HECTD4: variants seen among roughly 807,000 people sequenced by gnomAD.
HECTD4 encodes the protein HECT domain E3 ubiquitin protein ligase 4, also known as probable E3 ubiquitin-protein ligase HECTD4.
In HECTD4, 114 loss-of-function variants were observed where a neutral mutation model predicts 471.5. The ratio of observed to expected loss-of-function variants is 0.24; its 90% CI spans 0.21 to 0.28. The LOEUF (loss-of-function observed/expected upper bound fraction) is 0.28, where lower values mean the gene tolerates loss of function less well. Among genes scored for constraint, HECTD4 ranks in the 10% least tolerant of loss-of-function variants. The pLI, the probability that HECTD4 is intolerant of heterozygous loss-of-function variation, is 1.00. For synonymous variants in HECTD4, 2,012 were observed against 2,256.0 expected, an observed-to-expected ratio of 0.89 and a Z score of 3.07; for missense variants, 3,866 against 5,651.5, an observed-to-expected ratio of 0.68 and a Z score of 10.13.
intron 53 of HECTD4, 24 bp downstream of exon 53, chr12:112,204,462 G>A: frequency 6.2e-7 from 1 of 1,602,446 alleles, no homozygotes; most frequent in African/African-American, 1.3e-5. Context: ...AATTTCATAG[G>A]TCGAGTAAGG....
Position 112,250,160 on chromosome 12 carries a change from A to G in HECTD4, c.3934T>C (p.Phe1312Leu), listed in dbSNP as rs770758305. The G allele has an allele frequency of 1.2e-6, 2 of 1,613,184 alleles. No homozygotes were observed. Among genetic ancestry groups the G allele is most frequent in the African/African-American group, 2.7e-5 (2 of 74,916 alleles). The change falls in exon 25 of 76, where the codon TTT becomes CTT. Residue 1312 changes from phenylalanine to leucine, a missense_variant. Around this residue, in one of 16 missense-constraint regions of HECTD4, gnomAD observed 281 missense variants for 499.9 expected, o/e 0.56. Transcript: ENST00000682272. ...REISGRARPQ[F>L]RPSIKEVIQP... ...GCAACATACTTTATACTTGGTCTAA[A>G]TTGAGGTCTAGCACGCCCAGAAATT...
chr12:112,209,529 C>T (rs1479847925), intron 50 of HECTD4, among the ~76,000 whole-genome samples: 3 of 152,050 alleles, frequency 2.0e-5, no homozygotes, highest in African/African-American at 7.2e-5. Context: ...TTTCTCCATG[C>T]TGGTCAGGCT....
At chr12:112,175,009 C>G (rs1322454603) in intron 66 of HECTD4, among the ~76,000 whole-genome samples, 1 of 152,146 alleles carries the variant, frequency 6.6e-6, no homozygotes, top group African/African-American at 2.4e-5. Flanking sequence ...AAGGGGAAAC[C>G]ATATTTAGCC....
intron 48 of HECTD4, among the ~76,000 whole-genome samples, chr12:112,215,751 T>C (rs1002691357): frequency 1.3e-5 from 2 of 152,180 alleles, no homozygotes; most frequent in African/African-American, 2.4e-5. Context: ...GTGATTTTCT[T>C]GCCTCAGCCT....
chr12:112,359,920 A>G (rs1288568063), intron 1 of HECTD4, among the ~76,000 whole-genome samples: 1 of 152,170 alleles, frequency 6.6e-6, no homozygotes, highest in Non-Finnish European at 1.5e-5. Context: ...TACGCACATT[A>G]AAGTTTAAGA....
intron 1 of HECTD4, among the ~76,000 whole-genome samples, chr12:112,377,028 C>A (rs181506899): frequency 6.6e-6 from 1 of 152,314 alleles, no homozygotes; most frequent in African/African-American, 2.4e-5. Flanking sequence ...TGGAGAATCG[C>A]CTCAACCCGG....
At chr12:112,197,481 C>T (rs2032281275) in intron 55 of HECTD4, among the ~76,000 whole-genome samples, 1 of 152,198 alleles carries the variant, frequency 6.6e-6, no homozygotes. Context: ...ACCACCAAGC[C>T]CAGCTAACCA....
chr12:112,300,391 G>A (rs368059224), intron 7 of HECTD4, among the ~76,000 whole-genome samples: 1 of 151,460 alleles, frequency 6.6e-6, no homozygotes, highest in East Asian at 1.9e-4. Context: ...CTCCATTTTC[G>A]CATCCAGGAA....
At position 112,228,575 on chromosome 12, in the gene HECTD4, C is replaced by A; in HGVS notation, c.6684+72G>T. 1 of 1,307,884 alleles carries A rather than the reference C, an allele frequency of 7.6e-7. No individual in the cohort carries two copies. The highest frequency in any genetic ancestry group is 1.1e-6 in the Non-Finnish European group (1 of 947,640). 81.0% of individuals were successfully genotyped at this position (1,307,884 alleles called of 1,614,324 possible). A position where few individuals can be genotyped will look rare whatever the true frequency, so the allele number is the denominator to read the frequency against. On this transcript the variant is annotated intron_variant, in intron 42 of 75. Coordinates refer to ENST00000682272, the MANE Select transcript of HECTD4 (RefSeq NM_001388303.1). This position sits in a 1 kb window ranked among gnomAD's most constrained non-coding sequence, Gnocchi z 4.9. ...CAAGCATTTGTGCTTCTGCACTGAG[C>A]ATGTGCATAGACTCATTACAGTACA...
intron 45 of HECTD4, among the ~76,000 whole-genome samples, chr12:112,218,655 G>A (rs1450564524): frequency 6.6e-6 from 1 of 152,098 alleles, no homozygotes; most frequent in South Asian, 2.1e-4. Context: ...ATCAGTTGAT[G>A]TATATTTGCA....
intron 8 of HECTD4, among the ~76,000 whole-genome samples, chr12:112,282,761 G>T (rs1295822764): frequency 6.6e-6 from 1 of 152,148 alleles, no homozygotes; most frequent in East Asian, 1.9e-4. Flanking sequence ...TCTGTTATTT[G>T]CTTGGTCAAG....
rs201483733 is a variant in HECTD4 at position 112,193,488 on chromosome 12, T to A, written c.8936A>T (p.Gln2979Leu). ...GEESLLELTK[Q>L]ICSFLQTAPE... ...TTCTACCTGCAGGAAAGAGCAGATC[T>A]GTTTCGTCAGCTCTAAAAGGCTCTC... The change falls in exon 57 of 76, where the codon CAG (glutamine) becomes CTG (leucine). Residue 2979 changes from glutamine (Q) to leucine (L), a missense_variant. Transcript: ENST00000682272. This position sits in a 1 kb window ranked among gnomAD's most constrained non-coding sequence, Gnocchi z 5.2. The A allele has an allele frequency of 6.2e-7, 1 of 1,609,798 alleles. No homozygotes were observed. The highest frequency in any genetic ancestry group is 1.7e-5 in the Admixed American group (1 of 59,426).
Position 112,190,965 on chromosome 12 carries a change from C to A in HECTD4, c.9293G>T (p.Gly3098Val). 1 of 1,551,116 alleles carries A rather than the reference C, an allele frequency of 6.4e-7. No homozygotes were observed. Among genetic ancestry groups the A allele is most frequent in the East Asian group, 2.4e-5 (1 of 41,368 alleles). Residue 3098 changes from glycine to valine, a missense_variant and splice_region_variant, in exon 60 of 76, where the codon GGG becomes GTG. Physicochemically the swap from Gly to Val is moderately radical, Grantham distance 109. Around this residue, in one of 16 missense-constraint regions of HECTD4, gnomAD observed 364 missense variants for 413.2 expected, o/e 0.88. Transcript: ENST00000682272. Reference sequence around the variant, plus strand: ...GACTGCTCCAGGAGGTGGAGACACCCCTGCAAGAAGCACCCAGGAAGAAAG... The same window carrying A: ...GACTGCTCCAGGAGGTGGAGACACCACTGCAAGAAGCACCCAGGAAGAAAG... ...LSTDRVHIKL[G>V]VSPPPGAVLV... is the part of the protein sequence containing the mutation.
chr12:112,366,758 G>A (rs2036567766), intron 1 of HECTD4, among the ~76,000 whole-genome samples: 1 of 151,190 alleles, frequency 6.6e-6, no homozygotes, highest in Non-Finnish European at 1.5e-5. Context: ...ATGGGCACCT[G>A]TAATACCAGC....
At chr12:112,246,798 C>A in intron 29 of HECTD4, 103 bp downstream of exon 29, 1 of 1,031,788 alleles carries the variant, frequency 9.7e-7, no homozygotes, top group South Asian at 2.5e-5. Context: ...CTCAGAGTAC[C>A]CAAGAGTGAA....
chr12:112,185,311 G>C lies in HECTD4; in HGVS notation c.9655C>G (p.Leu3219Val). 1.9e-6 allele frequency: 3 copies of C among 1,570,100 alleles called. No individual in the cohort carries two copies. Among genetic ancestry groups the C allele is most frequent in the Non-Finnish European group, 2.6e-6 (3 of 1,157,590 alleles). Reference protein sequence around the residue: ...LAMLMALQSELHKLYDEETQN... With the variant: ...LAMLMALQSEVHKLYDEETQN... ...GTCTCCTCGTCGTACAGCTTGTGGA[G>C]CTCCGACTGCAAGGCCATCAGCATG... The change falls in exon 61 of 76, where the codon CTC becomes GTC. Residue 3219 changes from leucine (L) to valine (V), a missense_variant. Leu to Val is a conservative substitution (Grantham distance 32, BLOSUM62 1). This residue lies in a region of HECTD4 where 364 missense variants were observed against 413.2 expected (regional missense o/e 0.88). Coordinates refer to ENST00000682272, the MANE Select transcript of HECTD4 (RefSeq NM_001388303.1).
At chr12:112,377,186 C>A (rs2036796789) in intron 1 of HECTD4, among the ~76,000 whole-genome samples, 1 of 151,770 alleles carries the variant, frequency 6.6e-6, no homozygotes, top group South Asian at 2.1e-4. Context: ...ATGCTGAGCA[C>A]TCTGGGAGTC....
intron 44 of HECTD4, among the ~76,000 whole-genome samples, chr12:112,226,199 ACACACACACT>A (rs934618604): frequency 1.3e-5 from 2 of 151,550 alleles, no homozygotes; most frequent in African/African-American, 2.4e-5. Context: ...CCATACACAC[ACACACACACT>A]CACACACACA....
At chr12:112,349,388 CAAAAA>C (rs60480485) in intron 1 of HECTD4, among the ~76,000 whole-genome samples, 7 of 54,716 alleles carry the variant, frequency 1.3e-4, no homozygotes, top group East Asian at 5.1e-4. Context: ...ACTCTTGCTC[CAAAAA>C]AAAAAAAAAA....
Sources: allele counts gnomAD v4.1 joint callset (sites outside exome capture counted in the v4.1 genomes callset), GRCh38; gene constraint gnomAD v4.1.1; regional missense constraint gnomAD v4.1.1; non-coding constraint Gnocchi (gnomAD v3.1); transcripts MANE v1.5; gene names NCBI Gene and HGNC (gene_info 2026-07-23, HGNC 2026-07-21).